The following NEMF variants were observed in gnomAD, a reference collection of about 807,000 sequenced individuals.
NEMF encodes the protein ribosome quality control complex subunit NEMF.
A neutral mutation model predicts 162.2 loss-of-function variants in NEMF; 89 were observed. The ratio of observed to expected loss-of-function variants is 0.55; its 90% CI spans 0.46 to 0.65. NEMF has a LOEUF of 0.65. Ranked by LOEUF, NEMF falls within the 30% of genes least tolerant of loss-of-function variation. The pLI, the probability that NEMF is intolerant of heterozygous loss-of-function variation, is 0.00. For synonymous variants in NEMF, 421 were observed against 404.5 expected, an observed-to-expected ratio of 1.04 and a Z score of -0.49; for missense variants, 1,133 against 1,261.9, an observed-to-expected ratio of 0.90 and a Z score of 1.55.
chr14:49,820,265 C>T (rs1361117006), intron 16 of NEMF: 4 of 355,860 alleles, frequency 1.1e-5, no homozygotes, highest in African/African-American at 6.5e-5. Flanking sequence ...TTCCTTTTGA[C>T]AGCAGGCAAG....
chr14:49,827,375 T>C (rs1337113445), intron 15 of NEMF, among the ~76,000 whole-genome samples: 1 of 152,016 alleles, frequency 6.6e-6, no homozygotes, highest in Non-Finnish European at 1.5e-5. Flanking sequence ...TCAGTAGATA[T>C]GGGGTTTCAC....
chr14:49,786,574 T>G (rs1301727141), intron 29 of NEMF, 144 bp downstream of exon 29: 6 of 685,898 alleles, frequency 8.7e-6, no homozygotes, highest in Non-Finnish European at 1.5e-5. Context: ...TATAGCAGAG[T>G]TGGGATTAAG....
chr14:49,813,353 G>C (rs1891566978), intron 18 of NEMF, among the ~76,000 whole-genome samples: 1 of 152,180 alleles, frequency 6.6e-6, no homozygotes, highest in Non-Finnish European at 1.5e-5. Context: ...AAGCATTTCA[G>C]ATAGGATACT....
chr14:49,827,386 C>T (rs1249988367), intron 15 of NEMF, among the ~76,000 whole-genome samples: 3 of 152,076 alleles, frequency 2.0e-5, no homozygotes, highest in African/African-American at 7.2e-5. Context: ...GGGGTTTCAC[C>T]ATGTTGGCCA....
chr14:49,852,556 C>A, intron 1 of NEMF, 139 bp downstream of exon 1: 1 of 872,168 alleles, frequency 1.1e-6, no homozygotes, highest in Non-Finnish European at 1.8e-6. Context: ...CACCACACGC[C>A]TGCCCACTCA....
At chr14:49,819,899 G>C (rs1891912191) in intron 16 of NEMF, among the ~76,000 whole-genome samples, 1 of 151,788 alleles carries the variant, frequency 6.6e-6, no homozygotes, top group Non-Finnish European at 1.5e-5. Context: ...AATTACCTTT[G>C]GGAAATGATT....
intron 19 of NEMF, 136 bp from the exon 20 acceptor site, chr14:49,803,430 C>G: frequency 1.9e-6 from 1 of 540,200 alleles, no homozygotes. Flanking sequence ...CGTACAAATT[C>G]TCAATACTAA....
chr14:49,800,364 C>G, intron 23 of NEMF, 56 bp downstream of exon 23: 3,811 of 1,006,358 alleles, frequency 3.8e-3, no homozygotes, highest in Non-Finnish European at 5.0e-3. Flanking sequence ...GTAAGGATTA[C>G]CTCATCATCA....
chr14:49,805,989 A>T, intron 19 of NEMF, 32 bp downstream of exon 19: 1 of 1,489,858 alleles, frequency 6.7e-7, no homozygotes, highest in Non-Finnish European at 9.3e-7. Flanking sequence ...AGCTCTTAGT[A>T]AATTAAGAAA....
intron 25 of NEMF, among the ~76,000 whole-genome samples, chr14:49,797,942 G>T (rs954507334): frequency 2.6e-5 from 4 of 152,132 alleles, no homozygotes; most frequent in Admixed American, 1.3e-4. Flanking sequence ...AGGTACTCAG[G>T]TTTTCTCTCA....
chr14:49,808,831 G>T (rs1357756631), intron 18 of NEMF, among the ~76,000 whole-genome samples: 2 of 151,892 alleles, frequency 1.3e-5, no homozygotes, highest in African/African-American at 2.4e-5. Context: ...GAACTCAACA[G>T]TAAAAACACA....
intron 5 of NEMF, 52 bp downstream of exon 5, chr14:49,840,666 C>T: frequency 1.3e-6 from 2 of 1,515,802 alleles, no homozygotes; most frequent in Non-Finnish European, 1.8e-6. Context: ...CATTATGTTG[C>T]CCAGTACATT....
Position 49,811,047 on chromosome 14 carries a change from T to G in NEMF, c.1744+2941A>C, listed in dbSNP as rs772007730. Among the ~76,000 whole-genome samples, 3 of 152,172 alleles carry G rather than the reference T, an allele frequency of 2.0e-5. No individual in the cohort carries two copies. In the East Asian group the frequency reaches 5.8e-4, roughly 29 times the overall value. The stretch of plus-strand genomic sequence containing the variant: ...GGATTACAGTGAATTCCTAGATTAC[T>G]GGGGAGTACTGCTATCAGAACAATA... On this transcript the variant is annotated intron_variant, in intron 18 of 32. Transcript: ENST00000298310.
chr14:49,793,909 T>TTTTTTTTTTCC (rs1465810839), intron 26 of NEMF, among the ~76,000 whole-genome samples: 3 of 150,704 alleles, frequency 2.0e-5, no homozygotes, highest in African/African-American at 7.3e-5. Context: ...GTCATCACTT[T>TTTTTTTTTTCC]TTTTTTTTTC....
rs765718382 is a variant in NEMF, at chr14:49,782,973, A to T, written c.*1663T>A. ...TCTTAAGGCTTCATAAATAATGCCT[A>T]TGATCACCTTGCATGGACAGCAATC... On this transcript the variant is annotated 3_prime_UTR_variant, in exon 33 of 33. Coordinates refer to ENST00000298310, the MANE Select transcript of NEMF (RefSeq NM_004713.6). 3 of 1,607,848 alleles carry T rather than the reference A, an allele frequency of 1.9e-6. No homozygotes were observed. The East Asian group carries it at 6.7e-5, about 36-fold the overall frequency.
At chr14:49,828,257 A>G in intron 15 of NEMF, 34 bp downstream of exon 15, 1 of 1,444,422 alleles carries the variant, frequency 6.9e-7, no homozygotes, top group Non-Finnish European at 9.7e-7. Flanking sequence ...GCAGGCACAA[A>G]CAACTAACAT....
chr14:49,844,760 C>CACACACAA (rs1893404453), intron 4 of NEMF: 1 of 315,854 alleles, frequency 3.2e-6, no homozygotes, highest in African/African-American at 2.3e-5. Context: ...CACACACACA[C>CACACACAA]ACACATATAT....
chr14:49,823,402 T>A (rs1892184113), intron 16 of NEMF, among the ~76,000 whole-genome samples: 1 of 150,980 alleles, frequency 6.6e-6, no homozygotes, highest in South Asian at 2.1e-4. Flanking sequence ...AAGGGTATAT[T>A]CCAAGAACCA....
intron 24 of NEMF, 51 bp from the exon 25 acceptor site, chr14:49,799,575 G>C (rs765279305): frequency 2.5e-6 from 4 of 1,594,424 alleles, no homozygotes; most frequent in Non-Finnish European, 1.7e-6. Flanking sequence ...TAACTTTTTT[G>C]AAAAGTAGAA....
Sources: allele counts gnomAD v4.1 joint callset (sites outside exome capture counted in the v4.1 genomes callset), GRCh38; gene constraint gnomAD v4.1.1; transcripts MANE v1.5; gene names NCBI Gene and HGNC (gene_info 2026-07-23, HGNC 2026-07-21).